Variants in METTL14 observed in about 807,000 individuals in gnomAD.
The protein encoded by METTL14 is N(6)-adenosine-methyltransferase non-catalytic subunit METTL14.
In METTL14, 32 loss-of-function variants were observed where a neutral mutation model predicts 62.4. The ratio of observed to expected loss-of-function variants is 0.51; its 90% CI spans 0.39 to 0.69. The LOEUF is 0.69. Ranked by LOEUF, METTL14 falls within the 30% of genes least tolerant of loss-of-function variation. The probability of loss-of-function intolerance (pLI) is 0.00; values close to 1 mark genes in which losing one functional copy is unlikely to be tolerated. For missense variants in METTL14, 340 were observed against 551.9 expected (o/e 0.62, Z 3.85); for synonymous variants, 150 against 180.0 (o/e 0.83, Z 1.34).
intron 5 of METTL14, 67 bp from the exon 6 acceptor site, chr4:118,694,369 A>G: frequency 7.8e-7 from 1 of 1,280,590 alleles, no homozygotes; most frequent in Non-Finnish European, 1.1e-6. Flanking sequence ...GAGGGCTCAT[A>G]ACTTTTGAAT....
chr4:118,695,682 A>G (rs1206135863), intron 6 of METTL14, among the ~76,000 whole-genome samples: 1 of 152,248 alleles, frequency 6.6e-6, no homozygotes, highest in Non-Finnish European at 1.5e-5. Context: ...CTGAGATACT[A>G]TTCTTAACAA....
chr4:118,689,016 A>G lies in METTL14; in HGVS notation c.156-354A>G, dbSNP rs531308528. Among the ~76,000 whole-genome samples, 269 of 152,294 alleles carry G rather than the reference A, an allele frequency of 1.8e-3. 1 individual carries two copies. The highest frequency in any genetic ancestry group is 2.1e-3 in the South Asian group (10 of 4,824). On this transcript the variant is annotated intron_variant, in intron 2 of 10. Transcript: ENST00000388822. ...AAATATACTTTATCCTAAAAGTGGTATTTATTTGGTAGTTCAGAAAGCATT... is the reference window on the plus strand; with the variant it reads ...AAATATACTTTATCCTAAAAGTGGTGTTTATTTGGTAGTTCAGAAAGCATT...
intron 5 of METTL14, 38 bp from the exon 6 acceptor site, chr4:118,694,398 T>C: frequency 6.5e-7 from 1 of 1,540,064 alleles, no homozygotes; most frequent in South Asian, 1.2e-5. Context: ...TTAACTTCAG[T>C]TGAGATGAAT....
At chr4:118,695,295 T>G (rs1724373884) in intron 6 of METTL14, among the ~76,000 whole-genome samples, 1 of 151,916 alleles carries the variant, frequency 6.6e-6, no homozygotes. Flanking sequence ...ACCCCTCTAA[T>G]CCCAGCACAT....
intron 7 of METTL14, among the ~76,000 whole-genome samples, chr4:118,699,030 T>C (rs1433836429): frequency 5.3e-5 from 8 of 151,554 alleles, no homozygotes; most frequent in Admixed American, 4.6e-4. Flanking sequence ...ACCAGGAGAG[T>C]ATGAATGTAA....
At chr4:118,686,589 A>C (rs1163455561) in intron 1 of METTL14, 1 of 456,080 alleles carries the variant, frequency 2.2e-6, no homozygotes, top group Non-Finnish European at 4.4e-6. Context: ...ACTTGGAGTC[A>C]GATTTGTTCC....
At chr4:118,699,584 A>T (rs1252129304) in intron 7 of METTL14, among the ~76,000 whole-genome samples, 1 of 152,184 alleles carries the variant, frequency 6.6e-6, no homozygotes. Flanking sequence ...CAAAAGAAAA[A>T]ATTTAAACAA....
intron 3 of METTL14, 131 bp downstream of exon 3, chr4:118,689,588 G>GT: frequency 2.0e-6 from 1 of 498,162 alleles, no homozygotes; most frequent in Admixed American, 3.8e-5. Context: ...AGTGGCATAT[G>GT]TTATCACCAG....
intron 7 of METTL14, among the ~76,000 whole-genome samples, chr4:118,699,722 TAAAG>T (rs900195166): frequency 1.6e-4 from 24 of 152,180 alleles, no homozygotes; most frequent in Non-Finnish European, 8.8e-5. Context: ...GTTTTTAAAA[TAAAG>T]AAATTCTATT....
rs1366745599 is a variant in METTL14 at position 118,713,056 on chromosome 4, G to C, written c.*2754G>C. The C allele has an allele frequency of 6.6e-6, 1 of 152,128 alleles. No homozygotes were observed. The highest frequency in any genetic ancestry group is 1.5e-5 in the Non-Finnish European group (1 of 68,054). 9.4% of individuals were successfully genotyped at this position (152,128 alleles called of 1,614,324 possible). On this transcript the variant is annotated 3_prime_UTR_variant, in exon 11 of 11. Coordinates refer to ENST00000388822, the MANE Select transcript of METTL14 (RefSeq NM_020961.4). ...AATACGGTCATCATGAAACAGCACA[G>C]TGTGAGAGGTCAAGGTGTCAACCTG...
chr4:118,688,127 T>A (rs868099271), intron 2 of METTL14, 116 bp downstream of exon 2: 4 of 774,236 alleles, frequency 5.2e-6, no homozygotes, highest in Middle Eastern at 7.3e-4. Flanking sequence ...CCTTGACTCC[T>A]GGGCTCAAGT....
At chr4:118,698,499 TAGA>T (rs1193610380) in intron 7 of METTL14, among the ~76,000 whole-genome samples, 1 of 149,536 alleles carries the variant, frequency 6.7e-6, no homozygotes, top group Non-Finnish European at 1.5e-5. Flanking sequence ...GGAGAGCAAT[TAGA>T]AGACTCTTTC....
chr4:118,688,027 CTTTTTTT>C lies in METTL14; in HGVS notation c.155+27_155+33del, dbSNP rs746420947. The C allele has an allele frequency of 7.7e-6, 10 of 1,291,306 alleles. No homozygotes were observed. The Admixed American group carries it at 1.6e-4, about 20-fold the overall frequency. The allele number at this position is 1,291,306 out of a possible 1,614,324, so 80.0% of individuals were successfully genotyped here. A position where few individuals can be genotyped will look rare whatever the true frequency, so the allele number is the denominator to read the frequency against. On this transcript the variant is annotated intron_variant, in intron 2 of 10. Coordinates refer to ENST00000388822, the MANE Select transcript of METTL14 (RefSeq NM_020961.4). The stretch of plus-strand genomic sequence containing the variant: ...AAACTTGCAGGTCAGTCAGATAATT[CTTTTTTT>C]TTTTTTTTTTGAGACAGGGTTTCAC...
At chr4:118,706,433 C>A (rs1390933987) in intron 10 of METTL14, among the ~76,000 whole-genome samples, 2 of 152,146 alleles carry the variant, frequency 1.3e-5, no homozygotes, top group Non-Finnish European at 2.9e-5. Context: ...TAGGTCATTT[C>A]TTTTTAGTGC....
In METTL14 at chr4:118,685,523, C is replaced by T. The variant is rs1372314218; in HGVS notation, c.-12C>T. ...ACAAGTACTCGGGATAGTGAAAAGC[C>T]GGAGTTGGAACATGGATAGCCGCTT... On this transcript the variant is annotated 5_prime_UTR_variant, in exon 1 of 11. Transcript: ENST00000388822. 6.2e-7 allele frequency: 1 copy of T among 1,613,954 alleles called. No individual in the cohort carries two copies. The highest frequency in any genetic ancestry group is 8.5e-7 in the Non-Finnish European group (1 of 1,179,828).
chr4:118,699,512 G>A (rs948662671), intron 7 of METTL14, among the ~76,000 whole-genome samples: 1 of 152,074 alleles, frequency 6.6e-6, no homozygotes, highest in Non-Finnish European at 1.5e-5. Flanking sequence ...AGAATGTCTA[G>A]TTAGCCATAT....
rs766838344 is a variant in METTL14, at chr4:118,709,985, T to C, written c.1067-13T>C. 1 of 1,571,318 alleles carries C rather than the reference T, an allele frequency of 6.4e-7. No homozygotes were observed. The highest frequency in any genetic ancestry group is 1.2e-5 in the South Asian group (1 of 84,668). On this transcript the variant is annotated splice_polypyrimidine_tract_variant and intron_variant, in intron 10 of 10. Transcript: ENST00000388822. ...GCAAATAAAAAGTATAATCTTTTTT[T>C]CCTCCATTTCAGGCTGGCTCACAGT...
intron 10 of METTL14, among the ~76,000 whole-genome samples, chr4:118,707,008 A>G (rs1195078962): frequency 6.6e-6 from 1 of 151,772 alleles, no homozygotes; most frequent in East Asian, 1.9e-4. Flanking sequence ...TTTTGCAAAT[A>G]TTTTCTCTTA....
At chr4:118,709,804 A>T (rs1242517676) in intron 10 of METTL14, among the ~76,000 whole-genome samples, 194 bp from the exon 11 acceptor site, 1 of 152,216 alleles carries the variant, frequency 6.6e-6, no homozygotes, top group East Asian at 1.9e-4. Flanking sequence ...ACAATCTAGG[A>T]GGAGAAACAA....
Sources: allele counts gnomAD v4.1 joint callset (sites outside exome capture counted in the v4.1 genomes callset), GRCh38; gene constraint gnomAD v4.1.1; transcripts MANE v1.5; gene names NCBI Gene and HGNC (gene_info 2026-07-23, HGNC 2026-07-21).